The following RYR1 variants were observed in gnomAD, a reference collection of about 807,000 sequenced individuals.
RYR1 encodes central core disease of muscle.
In RYR1, 342 loss-of-function variants were observed where a neutral mutation model predicts 583.5. The ratio of observed to expected loss-of-function variants is 0.59; its 90% confidence interval spans 0.54 to 0.64. RYR1 has a LOEUF of 0.64. RYR1 is among the 30% of genes least tolerant of loss of function. The probability of loss-of-function intolerance (pLI) is 0.00; values close to 1 mark genes in which losing one functional copy is unlikely to be tolerated. For synonymous variants in RYR1, 2,791 were observed against 2,822.5 expected, an observed-to-expected ratio of 0.99 and a Z score of 0.35; for missense variants, 6,032 against 6,917.2, an observed-to-expected ratio of 0.87 and a Z score of 4.54.
At chr19:38,506,790 C>G (rs777090506) in intron 56 of RYR1, 39 bp from the exon 57 acceptor site, 1 of 1,613,788 alleles carries the variant, frequency 6.2e-7, no homozygotes. Flanking sequence ...TGGCCCGGGT[C>G]TTCCCCAGAG....
At position 38,577,841 on chromosome 19, in the gene RYR1, C is replaced by T. The variant is rs1974025161; in HGVS notation, c.14173-77C>T. 4 of 1,594,758 alleles carry T rather than the reference C, an allele frequency of 2.5e-6. 1 individual carries two copies. The African/African-American group carries it at 4.0e-5, about 16-fold the overall frequency. ...TTTCTCACTCAGAGTTTGGAGTGTC[C>T]CCAGAACCCCCTTGCAGGCCACGAC... On this transcript the variant is annotated intron_variant, in intron 97 of 105. Coordinates refer to ENST00000359596, the MANE Select transcript of RYR1 (RefSeq NM_000540.3).
intron 48 of RYR1, 30 bp from the exon 49 acceptor site, chr19:38,502,850 G>A (rs756452760): frequency 1.3e-5 from 21 of 1,603,708 alleles, no homozygotes; most frequent in East Asian, 1.1e-4. Context: ...CCTGGACGGG[G>A]GATTCTACAT....
At chr19:38,473,312 T>C (rs1327562114) in intron 27 of RYR1, 65 bp from the exon 28 acceptor site, 4 of 1,592,766 alleles carry the variant, frequency 2.5e-6, no homozygotes, top group Non-Finnish European at 1.7e-6. Context: ...TGTGACCAGG[T>C]GTAGGACCAA....
At chr19:38,479,020 G>A (rs376359767) in intron 31 of RYR1, among the ~76,000 whole-genome samples, 11 of 152,058 alleles carry the variant, frequency 7.2e-5, no homozygotes, top group African/African-American at 2.4e-4. Context: ...CACCCACCTC[G>A]GCCTCCCAAA....
chr19:38,566,948 A>C lies in RYR1; in HGVS notation c.13475A>C (p.Glu4492Ala). Residue 4492 changes from glutamate to alanine, a missense_variant, in exon 92 of 106, where the codon GAG (glutamate) becomes GCG (alanine). Glu to Ala is a moderately radical substitution (Grantham distance 107). Transcript: ENST00000359596. ...GAGGAGGAGCTCCCGCCAGAGCCAG[A>C]GCCCGAGCCGGAACCAGAGCTGGAG... ...GVEEELPPEPEPEPEPELEPE... is the reference protein window; with the variant it reads ...GVEEELPPEPAPEPEPELEPE... 6.2e-7 allele frequency: 1 copy of C among 1,606,658 alleles called. No individual in the cohort carries two copies. The highest frequency in any genetic ancestry group is 8.5e-7 in the Non-Finnish European group (1 of 1,176,924).
At chr19:38,446,367 C>G (rs1413227140) in intron 7 of RYR1, 105 bp from the exon 8 acceptor site, 6 of 856,634 alleles carry the variant, frequency 7.0e-6, no homozygotes, top group Non-Finnish European at 1.2e-5. Context: ...AAACTCAGCC[C>G]TCAGGTTCCC....
At chr19:38,511,536 CT>C in intron 60 of RYR1, 24 bp from the exon 61 acceptor site, 1 of 1,613,350 alleles carries the variant, frequency 6.2e-7, no homozygotes, top group Non-Finnish European at 8.5e-7. Flanking sequence ...TTTCTCCTGC[CT>C]TCTGTCCCTT....
intron 89 of RYR1, among the ~76,000 whole-genome samples, chr19:38,552,060 A>G (rs1601014349): frequency 6.6e-6 from 1 of 151,486 alleles, no homozygotes; most frequent in African/African-American, 2.4e-5. Context: ...TGATCCTCCT[A>G]CCTTAGCCTC....
chr19:38,503,028 TC>T, intron 49 of RYR1, 58 bp downstream of exon 49: 1 of 1,541,372 alleles, frequency 6.5e-7, no homozygotes. Flanking sequence ...GGTTTGCTCT[TC>T]CCTCCTACTG....
intron 34 of RYR1, among the ~76,000 whole-genome samples, chr19:38,486,632 C>T (rs1466171464): frequency 6.6e-6 from 1 of 152,188 alleles, no homozygotes; most frequent in Non-Finnish European, 1.5e-5. Flanking sequence ...TGAGCCACCG[C>T]GTCCGGCCTC....
intron 31 of RYR1, among the ~76,000 whole-genome samples, chr19:38,480,837 C>T (rs567673402): frequency 1.2e-4 from 18 of 151,826 alleles, no homozygotes; most frequent in African/African-American, 3.4e-4. Flanking sequence ...CTTCGCCTCC[C>T]GGGCTCAAGC....
At chr19:38,509,351 C>A (rs891403181) in intron 58 of RYR1, among the ~76,000 whole-genome samples, 2 of 152,052 alleles carry the variant, frequency 1.3e-5, no homozygotes, top group Non-Finnish European at 2.9e-5. Flanking sequence ...GCACAGACCT[C>A]CAAGTTGTAA....
At chr19:38,497,208 A>C (rs1052224574) in intron 42 of RYR1, among the ~76,000 whole-genome samples, 1 of 150,850 alleles carries the variant, frequency 6.6e-6, no homozygotes, top group African/African-American at 2.4e-5. Flanking sequence ...CGCTTCCGGG[A>C]TGGGGGCGGA....
In RYR1 at chr19:38,451,406, G is replaced by A. The variant is rs144445601; in HGVS notation, c.1123-358G>A. 5.1e-4 allele frequency among the ~76,000 whole-genome samples: 78 copies of A among 152,190 alleles called. No individual in the cohort carries two copies. The East Asian group carries it at 0.012, about 24-fold the overall frequency. On this transcript the variant is annotated intron_variant, in intron 11 of 105. Coordinates refer to ENST00000359596, the MANE Select transcript of RYR1 (RefSeq NM_000540.3). ...TTGGGGGTTAGAGCTTTCTGGTCGG[G>A]GGGAATGTTAAGTCAGCAGTAGGTA...
intron 11 of RYR1, 25 bp from the exon 12 acceptor site, chr19:38,451,739 C>T: frequency 1.2e-6 from 2 of 1,613,818 alleles, no homozygotes; most frequent in South Asian, 2.2e-5. Context: ...GGGCCCACTC[C>T]AGACCTCTGT....
intron 99 of RYR1, 84 bp from the exon 100 acceptor site, chr19:38,579,898 T>A: frequency 3.8e-6 from 6 of 1,586,668 alleles, no homozygotes; most frequent in Non-Finnish European, 5.2e-6. Flanking sequence ...AGGGCACAGC[T>A]GACTCTCGAG....
At chr19:38,535,542 G>A in intron 81 of RYR1, 150 bp downstream of exon 81, 1 of 720,804 alleles carries the variant, frequency 1.4e-6, no homozygotes, top group Non-Finnish European at 2.5e-6. Flanking sequence ...TTTATTATAA[G>A]AATTAATGTA....
chr19:38,519,554 A>G, intron 67 of RYR1, 100 bp downstream of exon 67: 1 of 1,388,958 alleles, frequency 7.2e-7, no homozygotes, highest in East Asian at 2.5e-5. Flanking sequence ...AACTTCTTCC[A>G]ATGCTCTGGC....
At chr19:38,579,928 T>C (rs1228344254) in intron 99 of RYR1, 54 bp from the exon 100 acceptor site, 40 of 1,612,332 alleles carry the variant, frequency 2.5e-5, no homozygotes, top group Non-Finnish European at 3.3e-5. Context: ...CCCTCCAGAG[T>C]GCTCCTCGTG....
Sources: gnomAD v4.1 joint callset for allele counts (sites outside exome capture counted in the v4.1 genomes callset) on GRCh38, gnomAD v4.1.1 for gene constraint, MANE v1.5 for transcripts, NCBI Gene and HGNC (gene_info 2026-07-23, HGNC 2026-07-21) for gene names.